The following COL19A1 variants were observed in gnomAD, a reference collection of about 807,000 sequenced individuals.
The protein encoded by COL19A1 is collagen alpha-1(XIX) chain.
A neutral mutation model predicts 190.2 loss-of-function variants in COL19A1; 159 were observed. That is an observed-to-expected ratio of 0.84 (90% CI 0.73 to 0.95). The LOEUF (loss-of-function observed/expected upper bound fraction) is 0.95, where lower values mean the gene tolerates loss of function less well. Ranked by LOEUF, COL19A1 falls within the 40% of genes least tolerant of loss-of-function variation. COL19A1 has a pLI of 0.00. For synonymous variants in COL19A1, 509 were observed against 458.9 expected, an observed-to-expected ratio of 1.11 and a Z score of -1.39; for missense variants, 1,418 against 1,431.9, an observed-to-expected ratio of 0.99 and a Z score of 0.16.
chr6:70,195,873 T>C (rs558378031), intron 48 of COL19A1, among the ~76,000 whole-genome samples: 1 of 152,356 alleles, frequency 6.6e-6, no homozygotes, highest in African/African-American at 2.4e-5. Flanking sequence ...ACTTCCAAAA[T>C]TGTGCTGCTA....
At chr6:70,171,329 C>T (rs1242014072) in intron 40 of COL19A1, among the ~76,000 whole-genome samples, 2 of 152,136 alleles carry the variant, frequency 1.3e-5, no homozygotes, top group Non-Finnish European at 2.9e-5. Flanking sequence ...CAAAGTGTTT[C>T]TTGAGGATCT....
rs141152249 is a variant in COL19A1 at position 70,199,494 on chromosome 6, G to A, written c.3095-114G>A. The A allele has an allele frequency of 4.7e-4, 384 of 818,132 alleles. 7 individuals carry two copies. The East Asian group carries it at 0.012, about 27-fold the overall frequency. 50.7% of individuals were successfully genotyped at this position (818,132 alleles called of 1,614,324 possible). A position where few individuals can be genotyped will look rare whatever the true frequency, so the allele number is the denominator to read the frequency against. On this transcript the variant is annotated intron_variant, in intron 48 of 50. Transcript: ENST00000620364. ...AGTCAGACCAGTTGGTAAATTAGAT[G>A]TGCTTAAATTAAAAACTAAATCTTT...
rs1768885213 is a variant in COL19A1 at position 69,885,810 on chromosome 6, C to T, written c.91+6152C>T. On this transcript the variant is annotated intron_variant, in intron 2 of 50. Coordinates refer to ENST00000620364, the MANE Select transcript of COL19A1 (RefSeq NM_001858.6). ...ATGCTGTGGAAAATGGAAGGATTTT[C>T]TTTTTTTAAGGCTGAATAATATTCC... 2.6e-5 allele frequency among the ~76,000 whole-genome samples: 4 copies of T among 151,962 alleles called. No homozygotes were observed. The South Asian group carries it at 8.3e-4, about 32-fold the overall frequency.
At chr6:69,892,900 T>C (rs1769449360) in intron 2 of COL19A1, among the ~76,000 whole-genome samples, 1 of 152,132 alleles carries the variant, frequency 6.6e-6, no homozygotes, top group Non-Finnish European at 1.5e-5. Flanking sequence ...AAAAGAAAAA[T>C]GGATTCTTAT....
intron 7 of COL19A1, among the ~76,000 whole-genome samples, chr6:69,934,014 T>C (rs557344413): frequency 4.6e-5 from 7 of 152,016 alleles, no homozygotes; most frequent in Non-Finnish European, 1.0e-4. Context: ...CATAGAAAAT[T>C]ATATGAAAAT....
intron 2 of COL19A1, among the ~76,000 whole-genome samples, chr6:69,894,947 G>A (rs541588326): frequency 6.6e-6 from 1 of 152,222 alleles, no homozygotes; most frequent in South Asian, 2.1e-4. Context: ...ACTGCTGATG[G>A]AGTGGAGAGG....
chr6:69,925,408 T>G lies in COL19A1; in HGVS notation c.267-2501T>G, dbSNP rs2150007449. ...ATCAGATGTTTGTAGATGTGTGGTA[T>G]TATTTCTGAGGGCTCTGTTCTGTTC... On this transcript the variant is annotated intron_variant, in intron 4 of 50. Coordinates refer to ENST00000620364, the MANE Select transcript of COL19A1 (RefSeq NM_001858.6). Among the ~76,000 whole-genome samples the G allele has an allele frequency of 2.0e-5, 3 of 152,318 alleles. No individual in the cohort carries two copies. The Middle Eastern group carries it at 0.01, about 522-fold the overall frequency.
At chr6:70,095,763 T>G (rs1056949042) in intron 15 of COL19A1, among the ~76,000 whole-genome samples, 4 of 152,200 alleles carry the variant, frequency 2.6e-5, no homozygotes, top group Admixed American at 6.5e-5. Context: ...CTTTAGATAC[T>G]TCATATAAAT....
chr6:70,094,803 A>G (rs189959296), intron 15 of COL19A1, among the ~76,000 whole-genome samples: 71 of 152,312 alleles, frequency 4.7e-4, no homozygotes, highest in African/African-American at 1.7e-3. Context: ...TGCTGTTAAT[A>G]GTGACCCTCT....
At chr6:69,941,466 C>G (rs980579147) in intron 9 of COL19A1, among the ~76,000 whole-genome samples, 2 of 152,050 alleles carry the variant, frequency 1.3e-5, no homozygotes. Flanking sequence ...TGATGAAGAA[C>G]AAAGGAATCT....
chr6:70,178,362 C>A (rs1357082353), intron 42 of COL19A1, among the ~76,000 whole-genome samples: 1 of 152,086 alleles, frequency 6.6e-6, no homozygotes, highest in Non-Finnish European at 1.5e-5. Context: ...GGCAACAGAG[C>A]AAGACCCTGT....
At chr6:69,900,439 C>A in intron 4 of COL19A1, 101 bp downstream of exon 4, 1 of 593,804 alleles carries the variant, frequency 1.7e-6, no homozygotes, top group Non-Finnish European at 2.8e-6. Context: ...TTCTCAATAG[C>A]ATCATCCTCA....
chr6:70,180,539 T>A lies in COL19A1; in HGVS notation c.2775+16T>A, dbSNP rs1384570582. ...AGGAAAGCCAGTAAGTACTTCTTACTACTTAAAATATGCCACCTAGAGAAA... is the reference window on the plus strand; with the variant it reads ...AGGAAAGCCAGTAAGTACTTCTTACAACTTAAAATATGCCACCTAGAGAAA... On this transcript the variant is annotated intron_variant, in intron 44 of 50. Coordinates refer to ENST00000620364, the MANE Select transcript of COL19A1 (RefSeq NM_001858.6). 1 of 1,612,668 alleles carries A rather than the reference T, an allele frequency of 6.2e-7. No homozygotes were observed. Among genetic ancestry groups the A allele is most frequent in the Non-Finnish European group, 8.5e-7 (1 of 1,178,832 alleles).
At chr6:70,188,014 G>T in intron 46 of COL19A1, 61 bp from the exon 47 acceptor site, 1 of 1,581,808 alleles carries the variant, frequency 6.3e-7, no homozygotes, top group Non-Finnish European at 8.6e-7. Flanking sequence ...CAGAACTTTT[G>T]CTCTCAACTA....
chr6:70,060,888 G>A (rs1299075325), intron 14 of COL19A1, among the ~76,000 whole-genome samples: 1 of 152,144 alleles, frequency 6.6e-6, no homozygotes, highest in African/African-American at 2.4e-5. Flanking sequence ...GTGCTGAAAA[G>A]GTTGGGGACC....
In COL19A1 at chr6:70,017,795, C is replaced by A. The variant is rs79018647; in HGVS notation, c.1027-5832C>A. ...CTTGTCATAAAGATATCAAATGCTT[C>A]AGATAGGTTAAGGAAGAAAAAGACT... On this transcript the variant is annotated intron_variant, in intron 11 of 50. Transcript: ENST00000620364. Among the ~76,000 whole-genome samples the A allele has an allele frequency of 3.4e-3, 524 of 152,202 alleles. 2 individuals are homozygous for A. The highest frequency in any genetic ancestry group is 0.012 in the African/African-American group (509 of 41,542).
At chr6:69,979,870 A>G (rs1168073934) in intron 11 of COL19A1, among the ~76,000 whole-genome samples, 1 of 151,808 alleles carries the variant, frequency 6.6e-6, no homozygotes, top group African/African-American at 2.4e-5. Flanking sequence ...AAATATGAAT[A>G]AGAAAGGGAC....
At chr6:69,976,403 A>C (rs9294856) in intron 11 of COL19A1, among the ~76,000 whole-genome samples, 5,932 of 152,272 alleles carry the variant, frequency 0.039, 357 homozygotes, top group African/African-American at 0.13. Context: ...TCATCCATTT[A>C]TTTGATCATT....
At chr6:70,168,595 C>A in intron 39 of COL19A1, 60 bp from the exon 40 acceptor site, 1 of 1,570,766 alleles carries the variant, frequency 6.4e-7, no homozygotes, top group Non-Finnish European at 8.7e-7. Context: ...AACAGTGTTT[C>A]TTATTCTGTA....
Sources: gnomAD v4.1 joint callset for allele counts (sites outside exome capture counted in the v4.1 genomes callset) on GRCh38, gnomAD v4.1.1 for gene constraint, MANE v1.5 for transcripts, NCBI Gene and HGNC (gene_info 2026-07-23, HGNC 2026-07-21) for gene names.